The following SLC25A16 variants were observed in gnomAD, a reference collection of about 807,000 sequenced individuals.
SLC25A16 encodes mitochondrial coenzyme A transporter SLC25A16.
Under a neutral mutation model 41.5 loss-of-function variants are expected in SLC25A16, and 39 were observed. The ratio of observed to expected loss-of-function variants is 0.94; its 90% CI spans 0.73 to 1.23. SLC25A16 has a LOEUF of 1.23. SLC25A16 is among the 50% of genes most tolerant of loss of function. The pLI, the probability that SLC25A16 is intolerant of heterozygous loss-of-function variation, is 0.00. For synonymous variants in SLC25A16, 146 were observed against 147.8 expected, an observed-to-expected ratio of 0.99 and a Z score of 0.09; for missense variants, 421 against 426.9, an observed-to-expected ratio of 0.99 and a Z score of 0.12.
At chr10:68,495,753 G>A (rs2052739104) in intron 4 of SLC25A16, among the ~76,000 whole-genome samples, 1 of 130,868 alleles carries the variant, frequency 7.6e-6, no homozygotes, top group Non-Finnish European at 1.6e-5. Context: ...CTGCACTCCA[G>A]TCTGGGCAAC....
chr10:68,515,271 C>T (rs2053141536), intron 2 of SLC25A16, among the ~76,000 whole-genome samples: 2 of 149,334 alleles, frequency 1.3e-5, no homozygotes, highest in African/African-American at 4.9e-5. Flanking sequence ...GCAGGAGAAT[C>T]ACTTGAACCC....
intron 2 of SLC25A16, among the ~76,000 whole-genome samples, chr10:68,511,172 C>T (rs561926547): frequency 6.6e-6 from 1 of 151,984 alleles, no homozygotes; most frequent in Non-Finnish European, 1.5e-5. Context: ...ACCTGGGAGG[C>T]GGAGGTTGCA....
At chr10:68,493,328 G>A (rs3758627) in intron 5 of SLC25A16, 121 bp downstream of exon 5, 58,005 of 1,128,034 alleles carry the variant, frequency 0.051, 1,952 homozygotes, top group African/African-American at 0.14. Context: ...ATGTGTTTTC[G>A]TAATTATTGT....
chr10:68,522,434 C>T (rs570617791), intron 1 of SLC25A16, among the ~76,000 whole-genome samples: 6 of 152,122 alleles, frequency 3.9e-5, no homozygotes, highest in African/African-American at 1.2e-4. Flanking sequence ...AATTCTAACA[C>T]ATTGGGAGGC....
At chr10:68,498,981 T>C (rs528241144) in intron 4 of SLC25A16, among the ~76,000 whole-genome samples, 2 of 152,272 alleles carry the variant, frequency 1.3e-5, no homozygotes, top group Middle Eastern at 3.4e-3. Context: ...ATCCAAAAAG[T>C]CATTGGCATG....
At chr10:68,521,521 C>T (rs2053248835) in intron 1 of SLC25A16, among the ~76,000 whole-genome samples, 1 of 151,480 alleles carries the variant, frequency 6.6e-6, no homozygotes, top group South Asian at 2.1e-4. Context: ...AAGCAAGACT[C>T]CATCTCAATA....
chr10:68,504,599 G>A (rs1030785467), intron 3 of SLC25A16, among the ~76,000 whole-genome samples: 5 of 148,602 alleles, frequency 3.4e-5, no homozygotes, highest in East Asian at 2.0e-4. Context: ...GGATGGTCTC[G>A]ATCTCCTGAA....
intron 1 of SLC25A16, among the ~76,000 whole-genome samples, chr10:68,519,096 G>A (rs1404076847): frequency 6.6e-6 from 1 of 152,052 alleles, no homozygotes; most frequent in African/African-American, 2.4e-5. Flanking sequence ...GGAGGCTGAG[G>A]CAGGAGAATC....
chr10:68,488,233 A>G (rs2052597185), intron 7 of SLC25A16, among the ~76,000 whole-genome samples: 1 of 152,042 alleles, frequency 6.6e-6, no homozygotes, highest in South Asian at 2.1e-4. Context: ...TCCTCCTGCC[A>G]CAGTCTCCCA....
At position 68,488,531 on chromosome 10, in the gene SLC25A16, C is replaced by G. The variant is rs761282578; in HGVS notation, c.709G>C (p.Val237Leu). ...RPSSDNPNVL[V>L]LKTHVNLLCG... The stretch of plus-strand genomic sequence containing the variant: ...AGTAAGTTTACATGAGTTTTCAAAA[C>G]TAAGACATTAGGATTGTCTGATGAA... The change falls in exon 7 of 9, where the codon GTT becomes CTT. Residue 237 changes from valine to leucine, a missense_variant. Transcript: ENST00000609923. The G allele has an allele frequency of 6.3e-6, 10 of 1,591,434 alleles. No individual in the cohort carries two copies. In the South Asian group the frequency reaches 1.2e-4, roughly 18 times the overall value.
At chr10:68,526,143 G>A (rs1446917391) in intron 1 of SLC25A16, among the ~76,000 whole-genome samples, 2 of 151,760 alleles carry the variant, frequency 1.3e-5, no homozygotes, top group African/African-American at 4.9e-5. Flanking sequence ...TCTTGCAGTT[G>A]AGACAAGAGG....
chr10:68,512,507 C>T (rs1374734544), intron 2 of SLC25A16, among the ~76,000 whole-genome samples: 4 of 127,834 alleles, frequency 3.1e-5, no homozygotes, highest in Admixed American at 1.7e-4. Flanking sequence ...GGCGTAGTGG[C>T]GGGCGCCTGT....
intron 7 of SLC25A16, among the ~76,000 whole-genome samples, chr10:68,488,142 G>A (rs914398487): frequency 4.6e-5 from 7 of 151,968 alleles, no homozygotes; most frequent in Non-Finnish European, 7.4e-5. Flanking sequence ...GAGTCACCGC[G>A]CCCACCCTCT....
intron 2 of SLC25A16, among the ~76,000 whole-genome samples, chr10:68,514,157 T>C (rs1010431040): frequency 6.6e-6 from 1 of 151,898 alleles, no homozygotes; most frequent in African/African-American, 2.4e-5. Context: ...CATGCCACAG[T>C]ACTCCAGCCT....
chr10:68,480,784 C>T lies in SLC25A16; in HGVS notation c.*2648G>A, dbSNP rs572499588. On this transcript the variant is annotated 3_prime_UTR_variant, in exon 9 of 9. Transcript: ENST00000609923. ...GTGCTGAGATTACAGGGGTGAGCCA[C>T]CATGCCCGGCTCAATACTTATTTTA... is the stretch of plus-strand genomic sequence containing the variant. 6 of 152,112 alleles carry T rather than the reference C, an allele frequency of 3.9e-5. No individual in the cohort carries two copies. Among genetic ancestry groups the T allele is most frequent in the African/African-American group, 1.2e-4 (5 of 41,504 alleles). 9.4% of individuals were successfully genotyped at this position (152,112 alleles called of 1,614,324 possible). A position where few individuals can be genotyped will look rare whatever the true frequency, so the allele number is the denominator to read the frequency against.
In SLC25A16 at chr10:68,483,059, A is replaced by G. The variant is rs2052503524; in HGVS notation, c.*373T>C. On this transcript the variant is annotated 3_prime_UTR_variant, in exon 9 of 9. Coordinates refer to ENST00000609923, the MANE Select transcript of SLC25A16 (RefSeq NM_152707.4). ...ATAACCAACCCTGTTTATTTTAATA[A>G]TAATAAACACTGTCAGTCTTTTAAA... 6.4e-6 allele frequency: 1 copy of G among 155,842 alleles called. No homozygotes were observed. The highest frequency in any genetic ancestry group is 2.0e-4 in the South Asian group (1 of 4,888). The allele number at this position is 155,842 out of a possible 1,614,324, so 9.7% of individuals were successfully genotyped here.
rs558148977 is a variant in SLC25A16 at position 68,481,902 on chromosome 10, C to A, written c.*1530G>T. 3 of 152,350 alleles carry A rather than the reference C, an allele frequency of 2.0e-5. No individual in the cohort carries two copies. The highest frequency in any genetic ancestry group is 1.3e-4 in the Admixed American group (2 of 15,286). 9.4% of individuals were successfully genotyped at this position (152,350 alleles called of 1,614,324 possible). On this transcript the variant is annotated 3_prime_UTR_variant, in exon 9 of 9. Coordinates refer to ENST00000609923, the MANE Select transcript of SLC25A16 (RefSeq NM_152707.4). ...TAAAGGCGTGAGCCACCACACCTGG[C>A]CTTCTAATGTCTTTAAAGTCACATC...
chr10:68,505,567 G>C (rs2052937100), intron 3 of SLC25A16, among the ~76,000 whole-genome samples: 1 of 151,914 alleles, frequency 6.6e-6, no homozygotes, highest in Non-Finnish European at 1.5e-5. Context: ...TGAATCAGGA[G>C]TTCCAGACCA....
intron 2 of SLC25A16, among the ~76,000 whole-genome samples, chr10:68,513,943 T>C (rs1364129414): frequency 6.6e-6 from 1 of 152,108 alleles, no homozygotes; most frequent in Non-Finnish European, 1.5e-5. Context: ...ATGCCTATAA[T>C]TTCAGTACTT....
Sources: allele counts gnomAD v4.1 joint callset (sites outside exome capture counted in the v4.1 genomes callset), GRCh38; gene constraint gnomAD v4.1.1; transcripts MANE v1.5; gene names NCBI Gene and HGNC (gene_info 2026-07-23, HGNC 2026-07-21).